The following UAP1L1 variants were observed in gnomAD, a reference collection of about 807,000 sequenced individuals.
UAP1L1 encodes UDP-N-acetylglucosamine pyrophosphorylase 1 like 1, also known as UDP-N-acetylhexosamine pyrophosphorylase-like protein 1.
UAP1L1 carries 45 observed loss-of-function variants against 45.3 expected under a neutral mutation model. The ratio of observed to expected loss-of-function variants is 0.99; its 90% CI spans 0.78 to 1.27. The LOEUF (loss-of-function observed/expected upper bound fraction) is 1.27, where lower values mean the gene tolerates loss of function less well. Among genes scored for constraint, UAP1L1 ranks in the 50% most tolerant of loss-of-function variants. The probability of loss-of-function intolerance (pLI) is 0.00; values close to 1 mark genes in which losing one functional copy is unlikely to be tolerated. For synonymous variants in UAP1L1, 323 were observed against 303.9 expected (o/e 1.06, Z -0.65); for missense variants, 667 against 694.0 (o/e 0.96, Z 0.44).
chr9:137,078,238 C>G lies in UAP1L1; in HGVS notation c.478C>G (p.Arg160Gly). The G allele has an allele frequency of 6.5e-7, 1 of 1,545,126 alleles. No homozygotes were observed. Residue 160 changes from arginine to glycine, a missense_variant, in exon 2 of 9, where the codon CGC (arginine) becomes GGC (glycine). Physicochemically the swap from Arg to Gly is moderately radical, Grantham distance 125 (BLOSUM62 -2). Coordinates refer to ENST00000409858, the MANE Select transcript of UAP1L1 (RefSeq NM_207309.3). ...GCTGGCCGGTGAGCGCCACGGGACC[C>G]GCTGCACCGTCCCCTGGTGTGTCCT... ...EQLAGERHGT[R>G]CTVPWYVMTS...
At chr9:137,079,539 G>A in intron 5 of UAP1L1, 90 bp downstream of exon 5, 4 of 1,308,578 alleles carry the variant, frequency 3.1e-6, no homozygotes, top group Non-Finnish European at 4.2e-6. Flanking sequence ...GAGTGCCCTG[G>A]GCCACAGCGG....
Position 137,082,537 on chromosome 9 carries a change from C to A in UAP1L1, c.1432-100C>A. The A allele has an allele frequency of 3.1e-6, 3 of 982,740 alleles. No individual in the cohort carries two copies. The highest frequency in any genetic ancestry group is 4.7e-6 in the Non-Finnish European group (3 of 644,504). The allele number at this position is 982,740 out of a possible 1,614,324, so 60.9% of individuals were successfully genotyped here. ...CCACCCCTCCCTGACTCCAGGCAGACCTGGGATCGCACCTGGGGACTGTGG... is the reference window on the plus strand; with the variant it reads ...CCACCCCTCCCTGACTCCAGGCAGAACTGGGATCGCACCTGGGGACTGTGG... On this transcript the variant is annotated intron_variant, in intron 8 of 8. Coordinates refer to ENST00000409858, the MANE Select transcript of UAP1L1 (RefSeq NM_207309.3). This position sits in a 1 kb window ranked among gnomAD's most constrained non-coding sequence, Gnocchi z 5.7.
chr9:137,081,071 C>T (rs573135992), intron 7 of UAP1L1, among the ~76,000 whole-genome samples, 197 bp downstream of exon 7: 12 of 152,340 alleles, frequency 7.9e-5, no homozygotes, highest in African/African-American at 2.9e-4. Flanking sequence ...CCTCCTGGCC[C>T]GACCCTTCAA....
chr9:137,081,037 G>C (rs1832780869), intron 7 of UAP1L1, among the ~76,000 whole-genome samples, 163 bp downstream of exon 7: 1 of 152,164 alleles, frequency 6.6e-6, no homozygotes, highest in South Asian at 2.1e-4. Context: ...CCAGCTCCAG[G>C]TCACACGGTG....
chr9:137,079,483 C>CAG, intron 5 of UAP1L1, 34 bp downstream of exon 5: 1 of 1,556,784 alleles, frequency 6.4e-7, no homozygotes. Context: ...GATTGCCGGC[C>CAG]AGAGCCGCCT....
intron 5 of UAP1L1, chr9:137,079,698 TCTC>T (rs1832761695): frequency 8.6e-6 from 5 of 583,022 alleles, no homozygotes; most frequent in Admixed American, 3.3e-5. Flanking sequence ...AAGTCTGCCA[TCTC>T]CTCCTTCTGG....
rs770821411 is a variant in UAP1L1 at position 137,080,768 on chromosome 9, C to G, written c.1258C>G (p.Pro420Ala). ...CGCAGAGCCAGCCGACAGGGACAGT[C>G]CCCGCACCGCTCGCCAGGCCCTGCT... Reference protein sequence around the residue: ...KNAEPADRDSPRTARQALLTQ... With the variant: ...KNAEPADRDSARTARQALLTQ... The change falls in exon 7 of 9, where the codon CCC (proline) becomes GCC (alanine). Residue 420 changes from proline (P) to alanine (A), a missense_variant. By Grantham distance (27) the Pro-to-Ala change is conservative. Transcript: ENST00000409858. 3 of 1,612,794 alleles carry G rather than the reference C, an allele frequency of 1.9e-6. No homozygotes were observed. The East Asian group carries it at 6.7e-5, about 36-fold the overall frequency.
At chr9:137,081,878 G>A in intron 7 of UAP1L1, 120 bp from the exon 8 acceptor site, 2 of 935,880 alleles carry the variant, frequency 2.1e-6, no homozygotes, top group Non-Finnish European at 3.5e-6. Context: ...TGAGCTTGCT[G>A]AGACAGGAGC....
intron 7 of UAP1L1, among the ~76,000 whole-genome samples, chr9:137,081,729 C>A (rs139845879): frequency 6.6e-6 from 1 of 152,290 alleles, no homozygotes; most frequent in Middle Eastern, 3.4e-3. Context: ...TTCCATCTCC[C>A]TGATTTTCTA....
rs1355057939 is a variant in UAP1L1 at position 137,078,278 on chromosome 9, G to C, written c.494+24G>C. ...TGGTGTGTCCTGCCTGCCCTACCTC[G>C]GCCCGGAGGTACCCTTCCCCACGCC... On this transcript the variant is annotated intron_variant, in intron 2 of 8. Transcript: ENST00000409858. The C allele has an allele frequency of 6.6e-6, 10 of 1,523,456 alleles. No homozygotes were observed. In the Admixed American group the frequency reaches 1.8e-4, roughly 28 times the overall value. The allele number at this position is 1,523,456 out of a possible 1,614,324, so 94.4% of individuals were successfully genotyped here. A position where few individuals can be genotyped will look rare whatever the true frequency, so the allele number is the denominator to read the frequency against.
chr9:137,082,648 G>T lies in UAP1L1; in HGVS notation c.1443G>T (p.Val481=), dbSNP rs759538139. 13 of 1,551,954 alleles carry T rather than the reference G, an allele frequency of 8.4e-6. No homozygotes were observed. The Admixed American group carries it at 2.5e-4, about 30-fold the overall frequency. Residue 481 remains valine (V), a synonymous_variant, in exon 9 of 9, where the codon GTG becomes GTT. Transcript: ENST00000409858. This position sits in a 1 kb window ranked among gnomAD's most constrained non-coding sequence, Gnocchi z 5.7. ...LVSYSGEGLE[V]YLQGREFQSP... Reference sequence around the variant, plus strand: ...CTGCTCGTCTCCAGGGTTTAGAAGTGTACCTGCAAGGCCGGGAGTTCCAGT... The same window carrying T: ...CTGCTCGTCTCCAGGGTTTAGAAGTTTACCTGCAAGGCCGGGAGTTCCAGT...
chr9:137,080,931 C>A (rs991607772), intron 7 of UAP1L1, 57 bp downstream of exon 7: 11 of 1,456,056 alleles, frequency 7.6e-6, no homozygotes, highest in Admixed American at 5.1e-5. Flanking sequence ...AGGACCCAAT[C>A]TTCAGCTCCA....
rs567247113 is a variant in UAP1L1, at chr9:137,081,923, A to G, written c.1365-75A>G. The G allele has an allele frequency of 4.0e-4, 548 of 1,384,458 alleles. 1 individual carries two copies. The African/African-American group carries it at 6.4e-3, about 16-fold the overall frequency. The allele number at this position is 1,384,458 out of a possible 1,614,324, so 85.8% of individuals were successfully genotyped here. On this transcript the variant is annotated intron_variant, in intron 7 of 8. Transcript: ENST00000409858. ...CCAGGTGTGTAGAGCTCAGTCTCCT[A>G]TCGGGACTGGGGGTGCTGGGGGAGG...
Position 137,077,958 on chromosome 9 carries a change from G to A in UAP1L1, c.290-92G>A. The A allele has an allele frequency of 6.5e-7, 1 of 1,529,590 alleles. No homozygotes were observed. Among genetic ancestry groups the A allele is most frequent in the Non-Finnish European group, 8.7e-7 (1 of 1,144,404 alleles). 94.8% of individuals were successfully genotyped at this position (1,529,590 alleles called of 1,614,324 possible). A position where few individuals can be genotyped will look rare whatever the true frequency, so the allele number is the denominator to read the frequency against. On this transcript the variant is annotated intron_variant, in intron 1 of 8. Coordinates refer to ENST00000409858, the MANE Select transcript of UAP1L1 (RefSeq NM_207309.3). The surrounding 1 kb of genome is among the most constrained non-coding windows in gnomAD (Gnocchi z 4.7). ...TCTCGCCTCACGCGTTCCGGCCCCCGAGTCCTGGCGCCCCAGCCCCAGAGT... is the reference window on the plus strand; with the variant it reads ...TCTCGCCTCACGCGTTCCGGCCCCCAAGTCCTGGCGCCCCAGCCCCAGAGT...
In UAP1L1 at chr9:137,082,733, GC is replaced by G; in HGVS notation, c.*7del. On this transcript the variant is annotated 3_prime_UTR_variant, in exon 9 of 9. Transcript: ENST00000409858. This position sits in a 1 kb window ranked among gnomAD's most constrained non-coding sequence, Gnocchi z 5.7. ...GCCGCAGCTGCAGGAGTCCTGACCCGCCCAGACTGTCCCCAGACTCCCCCGA... is the reference window on the plus strand; with the variant it reads ...GCCGCAGCTGCAGGAGTCCTGACCCGCCAGACTGTCCCCAGACTCCCCCGA... The G allele has an allele frequency of 2.6e-6, 4 of 1,546,444 alleles. No individual in the cohort carries two copies. The highest frequency in any genetic ancestry group is 4.1e-4 in the Middle Eastern group (2 of 4,862).
rs995534716 is a variant in UAP1L1 at position 137,077,764 on chromosome 9, C to T, written c.232C>T (p.Arg78Cys). The T allele has an allele frequency of 1.2e-5, 15 of 1,279,694 alleles. No individual in the cohort carries two copies. In the African/African-American group the frequency reaches 2.2e-4, roughly 19 times the overall value. The allele number at this position is 1,279,694 out of a possible 1,614,324, so 79.3% of individuals were successfully genotyped here. A position where few individuals can be genotyped will look rare whatever the true frequency, so the allele number is the denominator to read the frequency against. The change falls in exon 1 of 9, where the codon CGC becomes TGC. Residue 78 changes from arginine (R) to cysteine (C), a missense_variant. Coordinates refer to ENST00000409858, the MANE Select transcript of UAP1L1 (RefSeq NM_207309.3). This position sits in a 1 kb window ranked among gnomAD's most constrained non-coding sequence, Gnocchi z 4.7. ...AARLRPLPPERVGRASRSDPE... is the reference protein window; with the variant it reads ...AARLRPLPPECVGRASRSDPE... ...GCGCCTGCGGCCCCTGCCCCCAGAG[C>T]GCGTGGGCAGGGCCAGCCGCAGCGA...
intron 2 of UAP1L1, 107 bp downstream of exon 2, chr9:137,078,361 C>T (rs1349066326): frequency 1.3e-6 from 2 of 1,562,562 alleles, no homozygotes; most frequent in Non-Finnish European, 1.7e-6. Context: ...GGGACATTGC[C>T]CAGAACCGGC....
At chr9:137,078,745 C>T (rs1307364886) in intron 3 of UAP1L1, 68 bp downstream of exon 3, 2 of 1,519,170 alleles carry the variant, frequency 1.3e-6, no homozygotes, top group Non-Finnish European at 1.8e-6. Flanking sequence ...TGGGGGTCCA[C>T]GCGCCCGGGT....
chr9:137,077,628 C>G lies in UAP1L1; in HGVS notation c.96C>G (p.Ala32=). 7.5e-7 allele frequency: 1 copy of G among 1,331,712 alleles called. No homozygotes were observed. The highest frequency in any genetic ancestry group is 9.7e-7 in the Non-Finnish European group (1 of 1,028,980). 82.5% of individuals were successfully genotyped at this position (1,331,712 alleles called of 1,614,324 possible). ...CCGAGCTGGCGCCGGAGCCACGAGCCGCGCTGCTGGCGGAGCTGGCGCTGC... is the reference window on the plus strand; with the variant it reads ...CCGAGCTGGCGCCGGAGCCACGAGCGGCGCTGCTGGCGGAGCTGGCGCTGC... The part of the protein sequence containing the change: ...FWAELAPEPR[A]ALLAELALLE... Residue 32 remains alanine (A), a synonymous_variant, in exon 1 of 9, where the codon GCC becomes GCG. Transcript: ENST00000409858. This position sits in a 1 kb window ranked among gnomAD's most constrained non-coding sequence, Gnocchi z 4.7.
Sources: allele counts gnomAD v4.1 joint callset (sites outside exome capture counted in the v4.1 genomes callset), GRCh38; gene constraint gnomAD v4.1.1; non-coding constraint Gnocchi (gnomAD v3.1); transcripts MANE v1.5; gene names NCBI Gene and HGNC (gene_info 2026-07-23, HGNC 2026-07-21).